The following TRHDE variants were observed in gnomAD, a reference collection of about 807,000 sequenced individuals.
TRHDE encodes the protein thyrotropin-releasing hormone-degrading ectoenzyme.
Under a neutral mutation model 125.7 loss-of-function variants are expected in TRHDE, and 72 were observed. The ratio of observed to expected loss-of-function variants is 0.57; its 90% CI spans 0.47 to 0.70. The LOEUF is 0.70. Ranked by LOEUF, TRHDE falls within the 30% of genes least tolerant of loss-of-function variation. The pLI, the probability that TRHDE is intolerant of heterozygous loss-of-function variation, is 0.00. For missense variants in TRHDE, 1,110 were observed against 1,327.1 expected (o/e 0.84, Z 2.54); for synonymous variants, 509 against 509.1 (o/e 1.00, Z 0.00).
chr12:72,526,639 C>T (rs1868343315), intron 6 of TRHDE, among the ~76,000 whole-genome samples: 1 of 152,116 alleles, frequency 6.6e-6, no homozygotes, highest in Non-Finnish European at 1.5e-5. Context: ...AAGTGCCTGT[C>T]CTCTGCCATA....
intron 5 of TRHDE, among the ~76,000 whole-genome samples, chr12:72,480,684 T>A (rs1877127748): frequency 6.6e-6 from 1 of 152,120 alleles, no homozygotes; most frequent in Non-Finnish European, 1.5e-5. Context: ...AGTCTAACAA[T>A]AATGCAAGGC....
At chr12:72,543,638 G>A in intron 7 of TRHDE, among the ~76,000 whole-genome samples, 1 of 151,268 alleles carries the variant, frequency 6.6e-6, no homozygotes, top group East Asian at 1.9e-4. Context: ...CTGTTCATAA[G>A]GGCAACATAA....
intron 3 of TRHDE, among the ~76,000 whole-genome samples, chr12:72,422,364 A>G (rs1873993713): frequency 6.6e-6 from 1 of 152,154 alleles, no homozygotes; most frequent in African/African-American, 2.4e-5. Flanking sequence ...CTTCAAGTCT[A>G]TATTCATTAG....
intron 15 of TRHDE, among the ~76,000 whole-genome samples, chr12:72,641,688 C>T (rs564748853): frequency 3.5e-4 from 53 of 152,156 alleles, no homozygotes; most frequent in South Asian, 1.5e-3. Context: ...GATTTTCTAC[C>T]GCAAAGCAAT....
intron 2 of TRHDE, among the ~76,000 whole-genome samples, chr12:72,188,718 T>G (rs1877279175): frequency 6.6e-6 from 1 of 152,260 alleles, no homozygotes; most frequent in South Asian, 2.1e-4. Flanking sequence ...TGATTTTTTT[T>G]GTATATGTGA....
chr12:72,261,770 T>C (rs1878956222), intron 2 of TRHDE, among the ~76,000 whole-genome samples: 1 of 152,188 alleles, frequency 6.6e-6, no homozygotes, highest in African/African-American at 2.4e-5. Context: ...ATGTGGATAA[T>C]TTAGAATTGT....
intron 2 of TRHDE, among the ~76,000 whole-genome samples, chr12:72,238,477 T>C (rs1484208602): frequency 1.3e-5 from 2 of 150,340 alleles, no homozygotes; most frequent in Admixed American, 1.3e-4. Context: ...CGTGCCATGC[T>C]GGTTTGCTGC....
At chr12:72,227,974 G>C (rs1343076022) in intron 2 of TRHDE, among the ~76,000 whole-genome samples, 1 of 152,206 alleles carries the variant, frequency 6.6e-6, no homozygotes, top group African/African-American at 2.4e-5. Flanking sequence ...GGCTTTGCAG[G>C]ATATAGACCC....
At chr12:72,630,564 G>T (rs1873451706) in intron 15 of TRHDE, among the ~76,000 whole-genome samples, 2 of 151,674 alleles carry the variant, frequency 1.3e-5, no homozygotes, top group Non-Finnish European at 2.9e-5. Flanking sequence ...CACACCTTCA[G>T]TCTCTGCCTT....
chr12:72,354,613 C>T (rs1299314575), intron 2 of TRHDE, among the ~76,000 whole-genome samples: 1 of 150,418 alleles, frequency 6.6e-6, no homozygotes, highest in Non-Finnish European at 1.5e-5. Context: ...TGCCTGATGC[C>T]CTTTTCCCAA....
intron 3 of TRHDE, among the ~76,000 whole-genome samples, chr12:72,420,601 T>A (rs1449589522): frequency 6.6e-6 from 1 of 152,126 alleles, no homozygotes; most frequent in African/African-American, 2.4e-5. Context: ...GGAGAGAAGG[T>A]CTTGGAAAAA....
chr12:72,163,534 G>A (rs528296506), intron 2 of TRHDE, among the ~76,000 whole-genome samples: 2 of 152,332 alleles, frequency 1.3e-5, no homozygotes, highest in Admixed American at 1.3e-4. Context: ...TAGAGATTAT[G>A]TGTGGGAAAT....
At chr12:72,179,877 C>A (rs145841843) in intron 2 of TRHDE, among the ~76,000 whole-genome samples, 4 of 151,968 alleles carry the variant, frequency 2.6e-5, no homozygotes, top group Admixed American at 2.6e-4. Flanking sequence ...AATATGATTG[C>A]GTCTACTTGT....
intron 3 of TRHDE, among the ~76,000 whole-genome samples, chr12:72,390,686 C>T (rs1238591063): frequency 3.9e-5 from 6 of 152,150 alleles, no homozygotes; most frequent in African/African-American, 1.4e-4. Flanking sequence ...CAGACCTTAC[C>T]ATTGTAAAGA....
chr12:72,153,373 G>T (rs1340920799), intron 2 of TRHDE, among the ~76,000 whole-genome samples: 1 of 151,996 alleles, frequency 6.6e-6, no homozygotes, highest in African/African-American at 2.4e-5. Flanking sequence ...TTTTTTGAAG[G>T]GTTTTTTGTG....
At chr12:72,509,360 G>A (rs900398001) in intron 6 of TRHDE, among the ~76,000 whole-genome samples, 2 of 151,686 alleles carry the variant, frequency 1.3e-5, no homozygotes, top group Admixed American at 6.6e-5. Context: ...TTCTCCCCAG[G>A]TACTTATAGA....
intron 12 of TRHDE, among the ~76,000 whole-genome samples, chr12:72,598,439 A>G (rs1304517631): frequency 2.6e-5 from 4 of 152,110 alleles, no homozygotes; most frequent in South Asian, 2.1e-4. Flanking sequence ...ACCTTCTGCA[A>G]TTTTCTTTTT....
At chr12:72,371,352 A>C (rs1871576282) in intron 2 of TRHDE, among the ~76,000 whole-genome samples, 1 of 150,744 alleles carries the variant, frequency 6.6e-6, no homozygotes, top group African/African-American at 2.4e-5. Flanking sequence ...AACTGAACAA[A>C]ATATTTCGAC....
intron 2 of TRHDE, among the ~76,000 whole-genome samples, chr12:72,311,709 T>C (rs569971346): frequency 5.3e-5 from 8 of 152,056 alleles, no homozygotes; most frequent in Admixed American, 2.0e-4. Context: ...CAATTTGGAG[T>C]GTCATAGTTG....
Sources: allele counts gnomAD v4.1 joint callset (sites outside exome capture counted in the v4.1 genomes callset), GRCh38; gene constraint gnomAD v4.1.1; transcripts MANE v1.5; gene names NCBI Gene and HGNC (gene_info 2026-07-23, HGNC 2026-07-21).